The following SCN10A variants were observed in gnomAD, a reference collection of about 807,000 sequenced individuals.
The protein encoded by SCN10A is sodium channel protein type 10 subunit alpha.
In SCN10A, 162 loss-of-function variants were observed where a neutral mutation model predicts 170.7. The observed-to-expected ratio is 0.95, with a 90% CI of 0.84 to 1.08. The LOEUF (loss-of-function observed/expected upper bound fraction) is 1.08, where lower values mean the gene tolerates loss of function less well. SCN10A is among the 50% of genes least tolerant of loss of function. The pLI is 0.00. For synonymous variants in SCN10A, 985 were observed against 904.6 expected (o/e 1.09, Z -1.59); for missense variants, 2,527 against 2,436.9 (o/e 1.04, Z -0.78).
chr3:38,715,294 C>G (rs993528113), intron 21 of SCN10A, among the ~76,000 whole-genome samples: 6 of 152,170 alleles, frequency 3.9e-5, no homozygotes, highest in Non-Finnish European at 8.8e-5. Flanking sequence ...TCTGTCCACC[C>G]AAGCCCACCT....
At chr3:38,813,610 C>T (rs149014714) in intron 1 of SCN10A, among the ~76,000 whole-genome samples, 1 of 152,312 alleles carries the variant, frequency 6.6e-6, no homozygotes, top group East Asian at 1.9e-4. Flanking sequence ...CTCTTAGCCA[C>T]TGTACTCTAT....
intron 25 of SCN10A, among the ~76,000 whole-genome samples, chr3:38,708,620 A>G (rs753735005): frequency 7.2e-5 from 11 of 152,216 alleles, no homozygotes; most frequent in Non-Finnish European, 1.5e-4. Flanking sequence ...CTGCTGTTAC[A>G]GTGCCAGAAA....
At chr3:38,802,740 C>T (rs899689930) in intron 1 of SCN10A, among the ~76,000 whole-genome samples, 9 of 152,144 alleles carry the variant, frequency 5.9e-5, no homozygotes, top group African/African-American at 2.2e-4. Flanking sequence ...TAGGCATGGG[C>T]AAGGACTTCA....
At chr3:38,755,681 T>C (rs2063795352) in intron 11 of SCN10A, 107 bp downstream of exon 11, 3 of 1,330,808 alleles carry the variant, frequency 2.3e-6, no homozygotes, top group East Asian at 2.3e-5. Context: ...TTTTAGGCTC[T>C]ATGCCTCCAG....
intron 4 of SCN10A, among the ~76,000 whole-genome samples, chr3:38,787,036 T>G (rs2064213491): frequency 6.6e-6 from 1 of 152,178 alleles, no homozygotes; most frequent in Non-Finnish European, 1.5e-5. Flanking sequence ...GGAAGAAAAT[T>G]TAAAGTTTAA....
chr3:38,781,018 T>C (rs2064132584), intron 4 of SCN10A, among the ~76,000 whole-genome samples: 1 of 152,092 alleles, frequency 6.6e-6, no homozygotes, highest in Admixed American at 6.6e-5. Flanking sequence ...CATTCGGCAG[T>C]TGAAGCAAAT....
intron 16 of SCN10A, among the ~76,000 whole-genome samples, chr3:38,727,299 C>T (rs1028912164): frequency 6.6e-6 from 1 of 152,166 alleles, no homozygotes; most frequent in Non-Finnish European, 1.5e-5. Flanking sequence ...AAGGAGGAGC[C>T]CCCCGCTGAG....
At chr3:38,729,653 G>A (rs1240554437) in intron 15 of SCN10A, among the ~76,000 whole-genome samples, 1 of 152,170 alleles carries the variant, frequency 6.6e-6, no homozygotes, top group Non-Finnish European at 1.5e-5. Context: ...CCACAAGACA[G>A]CAAAATCATC....
chr3:38,744,627 G>A (rs1465505624), intron 13 of SCN10A, among the ~76,000 whole-genome samples: 1 of 151,482 alleles, frequency 6.6e-6, no homozygotes, highest in Non-Finnish European at 1.5e-5. Flanking sequence ...CCTTCTCCAT[G>A]TTTTTTTCTT....
intron 24 of SCN10A, among the ~76,000 whole-genome samples, chr3:38,709,947 G>C (rs951521454): frequency 6.6e-6 from 1 of 152,170 alleles, no homozygotes; most frequent in African/African-American, 2.4e-5. Flanking sequence ...TATTGGTAAG[G>C]GTTGCCCCTA....
intron 1 of SCN10A, among the ~76,000 whole-genome samples, chr3:38,798,726 T>G (rs2064354482): frequency 6.6e-6 from 1 of 151,836 alleles, no homozygotes; most frequent in African/African-American, 2.4e-5. Flanking sequence ...GCCTTTCTAT[T>G]CGGTGGGCAT....
chr3:38,782,057 T>C (rs529232924), intron 4 of SCN10A, among the ~76,000 whole-genome samples: 2 of 152,250 alleles, frequency 1.3e-5, no homozygotes, highest in African/African-American at 2.4e-5. Flanking sequence ...GTGATTCCTT[T>C]CCTCTCTGTT....
At chr3:38,797,338 G>T (rs566604508) in intron 1 of SCN10A, among the ~76,000 whole-genome samples, 1 of 152,232 alleles carries the variant, frequency 6.6e-6, no homozygotes, top group African/African-American at 2.4e-5. Context: ...TTGAAGTCCT[G>T]GGAGGAGCAC....
At chr3:38,801,735 G>T (rs2064372475) in intron 1 of SCN10A, among the ~76,000 whole-genome samples, 1 of 152,120 alleles carries the variant, frequency 6.6e-6, no homozygotes, top group Non-Finnish European at 1.5e-5. Flanking sequence ...GATATGATGT[G>T]GATAAACAGG....
intron 12 of SCN10A, among the ~76,000 whole-genome samples, chr3:38,751,593 C>G (rs2063747635): frequency 6.6e-6 from 1 of 152,196 alleles, no homozygotes; most frequent in Non-Finnish European, 1.5e-5. Flanking sequence ...AACATCATTG[C>G]TGAAACTGGA....
At chr3:38,741,510 T>C (rs1195778366) in intron 14 of SCN10A, among the ~76,000 whole-genome samples, 1 of 152,100 alleles carries the variant, frequency 6.6e-6, no homozygotes. Flanking sequence ...CCATGTAGGG[T>C]TGTTGTGAAA....
In SCN10A at chr3:38,756,748, C is replaced by T. The variant is rs2063810876; in HGVS notation, c.1216G>A (p.Ala406Thr). 4 of 1,614,170 alleles carry T rather than the reference C, an allele frequency of 2.5e-6. No homozygotes were observed. Among genetic ancestry groups the T allele is most frequent in the Non-Finnish European group, 3.4e-6 (4 of 1,180,026 alleles). Residue 406 changes from alanine (A) to threonine (T), a missense_variant, in exon 10 of 28, where the codon GCA (alanine) becomes ACA (threonine). Coordinates refer to ENST00000449082, the MANE Select transcript of SCN10A (RefSeq NM_006514.4). ...VTMAYEEQNQATTDEIEAKEK... is the reference protein window; with the variant it reads ...VTMAYEEQNQTTTDEIEAKEK... ...TTTGCTTCAATTTCATCAGTGGTTG[C>T]CTGGTTCTGCTCCTCATACGCCATG...
At chr3:38,705,657 G>A (rs1040683630) in intron 26 of SCN10A, among the ~76,000 whole-genome samples, 1 of 152,178 alleles carries the variant, frequency 6.6e-6, no homozygotes, top group African/African-American at 2.4e-5. Context: ...GGCAGCCTAT[G>A]GGGTTGGGTG....
chr3:38,755,226 A>G (rs1354918034), intron 11 of SCN10A, among the ~76,000 whole-genome samples: 1 of 152,038 alleles, frequency 6.6e-6, no homozygotes, highest in Admixed American at 6.6e-5. Flanking sequence ...ATAATTATAT[A>G]AAATTGTGAA....
Sources: allele counts gnomAD v4.1 joint callset (sites outside exome capture counted in the v4.1 genomes callset), GRCh38; gene constraint gnomAD v4.1.1; transcripts MANE v1.5; gene names NCBI Gene and HGNC (gene_info 2026-07-23, HGNC 2026-07-21).